The following CACHD1 variants were observed in gnomAD, a reference collection of about 807,000 sequenced individuals.
CACHD1 encodes the protein cache domain containing 1, also known as VWFA and cache domain-containing protein 1.
CACHD1 carries 71 observed loss-of-function variants against 138.7 expected under a neutral mutation model. That is an observed-to-expected ratio of 0.51 (90% CI 0.42 to 0.62). The LOEUF is 0.62. Among genes scored for constraint, CACHD1 ranks in the 20% least tolerant of loss-of-function variants. The pLI is 0.00. For missense variants in CACHD1, 1,389 were observed against 1,625.3 expected, an observed-to-expected ratio of 0.85 and a Z score of 2.50; for synonymous variants, 578 against 591.5, an observed-to-expected ratio of 0.98 and a Z score of 0.33.
At chr1:64,604,635 G>A (rs1647282594) in intron 4 of CACHD1, among the ~76,000 whole-genome samples, 2 of 152,146 alleles carry the variant, frequency 1.3e-5, no homozygotes, top group South Asian at 4.1e-4. Flanking sequence ...TTTTTTACAA[G>A]TCATGGTAAC....
chr1:64,673,185 T>C lies in CACHD1; in HGVS notation c.2538T>C (p.Tyr846=), dbSNP rs1649874217. 1 of 1,613,220 alleles carries C rather than the reference T, an allele frequency of 6.2e-7. No homozygotes were observed. Residue 846 remains tyrosine (Y), a synonymous_variant, in exon 18 of 27, where the codon TAT becomes TAC. Transcript: ENST00000651257. Reference sequence around the variant, plus strand: ...GCTTCATAATGGAGGACAGGGGTTATCTGGTGGCGCACCCGACTCTCATCG... The same window carrying C: ...GCTTCATAATGGAGGACAGGGGTTACCTGGTGGCGCACCCGACTCTCATCG... The part of the protein sequence containing the change: ...IRCFIMEDRG[Y]LVAHPTLIDP...
At chr1:64,531,509 G>A (rs1646585545) in intron 1 of CACHD1, among the ~76,000 whole-genome samples, 1 of 151,750 alleles carries the variant, frequency 6.6e-6, no homozygotes, top group South Asian at 2.1e-4. Flanking sequence ...GTGTGTGTGT[G>A]TGTGTGTGTG....
chr1:64,686,428 T>A (rs748287192), intron 26 of CACHD1, among the ~76,000 whole-genome samples: 1 of 152,248 alleles, frequency 6.6e-6, no homozygotes, highest in Non-Finnish European at 1.5e-5. Flanking sequence ...AAGAATCTAA[T>A]TTTAATTGTT....
intron 2 of CACHD1, among the ~76,000 whole-genome samples, chr1:64,562,409 C>CT (rs55746551): frequency 0.012 from 1,348 of 109,864 alleles, 47 homozygotes; most frequent in African/African-American, 0.04. Context: ...GCAGAATTTC[C>CT]TTTTTTTTTT....
At chr1:64,634,726 G>A (rs1316153873) in intron 7 of CACHD1, among the ~76,000 whole-genome samples, 1 of 152,066 alleles carries the variant, frequency 6.6e-6, no homozygotes, top group African/African-American at 2.4e-5. Flanking sequence ...GAGGTGCGGT[G>A]GCTCACGCCT....
chr1:64,619,316 G>A (rs1647825586), intron 4 of CACHD1, among the ~76,000 whole-genome samples: 1 of 152,160 alleles, frequency 6.6e-6, no homozygotes, highest in Non-Finnish European at 1.5e-5. Context: ...TTTTTCAGCT[G>A]CGTATCTGAC....
chr1:64,514,846 A>G (rs1053126571), intron 1 of CACHD1, among the ~76,000 whole-genome samples: 3 of 152,186 alleles, frequency 2.0e-5, no homozygotes, highest in African/African-American at 7.2e-5. Context: ...ATTTGGCCTG[A>G]TTTGTTCTTA....
chr1:64,659,536 G>A (rs1390834426), intron 13 of CACHD1, among the ~76,000 whole-genome samples: 4 of 152,150 alleles, frequency 2.6e-5, no homozygotes, highest in Admixed American at 6.5e-5. Flanking sequence ...CATTTATTAC[G>A]TACCAGATGT....
intron 2 of CACHD1, among the ~76,000 whole-genome samples, chr1:64,566,479 T>TTCCC (rs1553133821): frequency 1.7e-5 from 2 of 120,750 alleles, no homozygotes; most frequent in Non-Finnish European, 3.6e-5. Flanking sequence ...TGTTTTCAAT[T>TTCCC]CCCCCCCCCC....
chr1:64,541,009 C>T (rs908860196), intron 1 of CACHD1, among the ~76,000 whole-genome samples: 2 of 152,058 alleles, frequency 1.3e-5, no homozygotes, highest in South Asian at 2.1e-4. Flanking sequence ...CACGCCCGCA[C>T]GTGCACACGC....
intron 26 of CACHD1, among the ~76,000 whole-genome samples, chr1:64,684,450 T>G (rs1381887538): frequency 6.7e-6 from 1 of 148,318 alleles, no homozygotes; most frequent in Non-Finnish European, 1.5e-5. Flanking sequence ...ATTTTTAAAC[T>G]AGAAAAAAGC....
chr1:64,665,565 G>A (rs1649602662), intron 15 of CACHD1, among the ~76,000 whole-genome samples: 1 of 152,204 alleles, frequency 6.6e-6, no homozygotes, highest in South Asian at 2.1e-4. Context: ...AGGAATTTCA[G>A]ATTCTCTTTA....
At chr1:64,473,100 A>G (rs1489548873) in intron 1 of CACHD1, among the ~76,000 whole-genome samples, 2 of 152,070 alleles carry the variant, frequency 1.3e-5, no homozygotes, top group Non-Finnish European at 2.9e-5. Context: ...ATCTCCTCCC[A>G]ACTGGCCTCT....
intron 26 of CACHD1, among the ~76,000 whole-genome samples, chr1:64,689,347 T>C (rs1054722625): frequency 3.9e-5 from 6 of 152,190 alleles, no homozygotes; most frequent in Non-Finnish European, 8.8e-5. Flanking sequence ...CCTTATAACT[T>C]GAAGTTGTAG....
intron 4 of CACHD1, among the ~76,000 whole-genome samples, chr1:64,611,323 A>T (rs1427206438): frequency 6.6e-6 from 1 of 152,190 alleles, no homozygotes; most frequent in East Asian, 1.9e-4. Context: ...CTCCCCAGGA[A>T]ATGGGTTTTT....
chr1:64,623,498 C>T (rs1378963004), intron 4 of CACHD1, among the ~76,000 whole-genome samples: 1 of 151,834 alleles, frequency 6.6e-6, no homozygotes, highest in Non-Finnish European at 1.5e-5. Flanking sequence ...CTACAGATAC[C>T]AATCCTGCAG....
chr1:64,515,805 C>T (rs764457), intron 1 of CACHD1, among the ~76,000 whole-genome samples: 122,272 of 152,140 alleles, frequency 0.8, 49,779 homozygotes, highest in Non-Finnish European at 0.86. Flanking sequence ...AATCTTTCTA[C>T]GATTATAGAA....
chr1:64,638,074 A>G (rs548828384), intron 7 of CACHD1, among the ~76,000 whole-genome samples: 44 of 152,312 alleles, frequency 2.9e-4, no homozygotes, highest in Non-Finnish European at 5.6e-4. Flanking sequence ...TCAGTTTCCT[A>G]TAAGACTTCT....
intron 1 of CACHD1, among the ~76,000 whole-genome samples, chr1:64,544,122 A>T (rs1324973007): frequency 6.6e-6 from 1 of 152,078 alleles, no homozygotes; most frequent in African/African-American, 2.4e-5. Flanking sequence ...ATAGGAACAG[A>T]TCCAGAGCTG....
Sources: allele counts gnomAD v4.1 joint callset (sites outside exome capture counted in the v4.1 genomes callset), GRCh38; gene constraint gnomAD v4.1.1; transcripts MANE v1.5; gene names NCBI Gene and HGNC (gene_info 2026-07-23, HGNC 2026-07-21).